The following NES variants were observed in gnomAD, a reference collection of about 807,000 sequenced individuals.
NES encodes the protein nestin.
In NES, 27 loss-of-function variants were observed where a neutral mutation model predicts 35.6. That is an observed-to-expected ratio of 0.76 (90% confidence interval 0.56 to 1.04). The LOEUF (loss-of-function observed/expected upper bound fraction) is 1.04, where lower values mean the gene tolerates loss of function less well. NES is among the 50% of genes least tolerant of loss of function. The pLI is 0.00. For missense variants in NES, 1,867 were observed against 1,983.6 expected (o/e 0.94, Z 1.12); for synonymous variants, 822 against 824.2 (o/e 1.00, Z 0.04).
In NES at chr1:156,669,191, C is replaced by G; in HGVS notation, c.*131G>C. ...CCCCTTTTCACCTTAGCGGGCCAGG[C>G]CTCTCAGCCAGAAACCATATGTCAA... On this transcript the variant is annotated 3_prime_UTR_variant, in exon 4 of 4. Transcript: ENST00000368223. 1 of 600,986 alleles carries G rather than the reference C, an allele frequency of 1.7e-6. No individual in the cohort carries two copies. Among genetic ancestry groups the G allele is most frequent in the Non-Finnish European group, 2.7e-6 (1 of 366,264 alleles). 37.2% of individuals were successfully genotyped at this position (600,986 alleles called of 1,614,324 possible). A position where few individuals can be genotyped will look rare whatever the true frequency, so the allele number is the denominator to read the frequency against.
In NES at chr1:156,669,742, C is replaced by T. The variant is rs776724348; in HGVS notation, c.4446G>A (p.Lys1482=). The stretch of plus-strand genomic sequence containing the variant: ...CCTGGGACTCCGTTTCCAGGGCAGT[C>T]TTGGGGGCACCAGCCACTGCACCCC... ...SLRGAVAGAP[K]TALETESQDS... The change falls in exon 4 of 4, where the codon AAG becomes AAA. Residue 1482 remains lysine (K), a synonymous_variant. Coordinates refer to ENST00000368223, the MANE Select transcript of NES (RefSeq NM_006617.2). 6.2e-7 allele frequency: 1 copy of T among 1,614,022 alleles called. No individual in the cohort carries two copies. Among genetic ancestry groups the T allele is most frequent in the Non-Finnish European group, 8.5e-7 (1 of 1,179,998 alleles).
Position 156,676,321 on chromosome 1 carries a change from G to C in NES, c.783+161C>G, listed in dbSNP as rs1000949570. ...ACCATTCGCATCCTACACTAGACGGGCTGTAAAAGTCTAGGACTTGTGGCA... is the reference window on the plus strand; with the variant it reads ...ACCATTCGCATCCTACACTAGACGGCCTGTAAAAGTCTAGGACTTGTGGCA... On this transcript the variant is annotated intron_variant, in intron 1 of 3. Transcript: ENST00000368223. The surrounding 1 kb of genome is among the most constrained non-coding windows in gnomAD (Gnocchi z 5.3). Among the ~76,000 whole-genome samples the C allele has an allele frequency of 6.6e-6, 1 of 152,150 alleles. No individual in the cohort carries two copies. Among genetic ancestry groups the C allele is most frequent in the African/African-American group, 2.4e-5 (1 of 41,434 alleles).
rs985972341 is a variant in NES at position 156,676,323 on chromosome 1, T to C, written c.783+159A>G. Among the ~76,000 whole-genome samples the C allele has an allele frequency of 6.6e-6, 1 of 152,106 alleles. No individual in the cohort carries two copies. Among genetic ancestry groups the C allele is most frequent in the African/African-American group, 2.4e-5 (1 of 41,422 alleles). On this transcript the variant is annotated intron_variant, in intron 1 of 3. Coordinates refer to ENST00000368223, the MANE Select transcript of NES (RefSeq NM_006617.2). This position sits in a 1 kb window ranked among gnomAD's most constrained non-coding sequence, Gnocchi z 5.3. ...CATTCGCATCCTACACTAGACGGGC[T>C]GTAAAAGTCTAGGACTTGTGGCACC...
At position 156,670,145 on chromosome 1, in the gene NES, T is replaced by C. The variant is rs371890871; in HGVS notation, c.4043A>G (p.Glu1348Gly). 5.9e-5 allele frequency: 96 copies of C among 1,613,906 alleles called. No homozygotes were observed. Among genetic ancestry groups the C allele is most frequent in the Non-Finnish European group, 7.1e-5 (84 of 1,180,004 alleles). Residue 1348 changes from glutamate to glycine, a missense_variant, in exon 4 of 4, where the codon GAA becomes GGA. Physicochemically the swap from Glu to Gly is moderately conservative, Grantham distance 98 (BLOSUM62 -2). Transcript: ENST00000368223. Reference sequence around the variant, plus strand: ...TTCTCCCTCCTCCCCCTCCTCCTTTTCTGAGGGTGGGGCCTCAAGGCCCTC... The same window carrying C: ...TTCTCCCTCCTCCCCCTCCTCCTTTCCTGAGGGTGGGGCCTCAAGGCCCTC... ...ASEGLEAPPS[E>G]KEEGEEGEEE...
rs778426320 is a variant in NES at position 156,669,441 on chromosome 1, C to T, written c.4747G>A (p.Glu1583Lys). 6.2e-7 allele frequency: 1 copy of T among 1,613,962 alleles called. No homozygotes were observed. The part of the protein sequence containing the change: ...GDRGSPFQEE[E>K]GSALKTSWAG... ...CAAGAGGTCTTCAGAGCACTCCCCT[C>T]CTCCTCCTGAAAGGGGCTCCCTCGG... The change falls in exon 4 of 4, where the codon GAG (glutamate) becomes AAG (lysine). Residue 1583 changes from glutamate to lysine, a missense_variant. Glu to Lys is a moderately conservative substitution (Grantham distance 56). Transcript: ENST00000368223.
rs1290824330 is a variant in NES, at chr1:156,670,490, G to A, written c.3698C>T (p.Pro1233Leu). The A allele has an allele frequency of 6.3e-7, 1 of 1,585,338 alleles. No individual in the cohort carries two copies. Among genetic ancestry groups the A allele is most frequent in the East Asian group, 2.2e-5 (1 of 44,516 alleles). Residue 1233 changes from proline (P) to leucine (L), a missense_variant, in exon 4 of 4, where the codon CCT becomes CTT. Transcript: ENST00000368223. ...PTYTPILEDA[P>L]GPQPQAEGSQ... is the part of the protein sequence containing the mutation. ...CCCTTCAGCCTGAGGCTGAGGCCCA[G>A]GGGCATCTTCCAGGATCGGGGTGTA...
chr1:156,671,901 G>T lies in NES; in HGVS notation c.2287C>A (p.Gln763Lys), dbSNP rs1404469589. Reference sequence around the variant, plus strand: ...TCCCCTAGAGACCTCCGTCGCTGTTGAGTCTCTTTTTCAAGAGTTCTCAAT... The same window carrying T: ...TCCCCTAGAGACCTCCGTCGCTGTTTAGTCTCTTTTTCAAGAGTTCTCAAT... ...ETLRTLEKETQQRRRSLGEQD... is the reference protein window; with the variant it reads ...ETLRTLEKETKQRRRSLGEQD... Residue 763 changes from glutamine (Q) to lysine (K), a missense_variant, in exon 4 of 4, where the codon CAA becomes AAA. Transcript: ENST00000368223. 6.2e-7 allele frequency: 1 copy of T among 1,614,080 alleles called. No homozygotes were observed. Among genetic ancestry groups the T allele is most frequent in the Admixed American group, 1.7e-5 (1 of 60,022 alleles).
At position 156,676,437 on chromosome 1, in the gene NES, G is replaced by C. The variant is rs1647291707; in HGVS notation, c.783+45C>G. Reference sequence around the variant, plus strand: ...TCTGAGCTTCATAAGGGACTTTCTGGAGCTTTCTGGGACTTTCTCTCACCC... The same window carrying C: ...TCTGAGCTTCATAAGGGACTTTCTGCAGCTTTCTGGGACTTTCTCTCACCC... On this transcript the variant is annotated intron_variant, in intron 1 of 3. Transcript: ENST00000368223. The surrounding 1 kb of genome is among the most constrained non-coding windows in gnomAD (Gnocchi z 5.3). 3.8e-6 allele frequency: 6 copies of C among 1,585,044 alleles called. No homozygotes were observed. Among genetic ancestry groups the C allele is most frequent in the Non-Finnish European group, 5.1e-6 (6 of 1,169,874 alleles).
Position 156,673,020 on chromosome 1 carries a change from T to G in NES, c.1168A>C (p.Ile390Leu), listed in dbSNP as rs772195958. 8.1e-6 allele frequency: 13 copies of G among 1,610,932 alleles called. No individual in the cohort carries two copies. The highest frequency in any genetic ancestry group is 1.1e-5 in the Non-Finnish European group (13 of 1,177,876). Residue 390 changes from isoleucine (I) to leucine (L), a missense_variant, in exon 4 of 4, where the codon ATC becomes CTC. By Grantham distance (5) the Ile-to-Leu change is conservative (BLOSUM62 2). Transcript: ENST00000368223. ...ARTPTLASTP[I>L]PPTPQAPSPA... is the part of the protein sequence containing the mutation. ...GAGGGTGCCTGAGGTGTGGGGGGGATGGGGGTGCTGGCCAAGGTAGGGGTA... is the reference window on the plus strand; with the variant it reads ...GAGGGTGCCTGAGGTGTGGGGGGGAGGGGGGTGCTGGCCAAGGTAGGGGTA...
chr1:156,671,193 C>T lies in NES; in HGVS notation c.2995G>A (p.Glu999Lys), dbSNP rs1382537813. The T allele has an allele frequency of 6.2e-7, 1 of 1,614,012 alleles. No homozygotes were observed. The highest frequency in any genetic ancestry group is 8.5e-7 in the Non-Finnish European group (1 of 1,180,054). ...TGKEEVVEQG[E>K]LNATEEVWIP... is the part of the protein sequence containing the mutation. ...CAGACCTCCTCTGTGGCATTCAGCTCTCCCTGCTCTACCACCTCCTCCTTC... is the reference window on the plus strand; with the variant it reads ...CAGACCTCCTCTGTGGCATTCAGCTTTCCCTGCTCTACCACCTCCTCCTTC... Residue 999 changes from glutamate to lysine, a missense_variant, in exon 4 of 4, where the codon GAG becomes AAG. By Grantham distance (56) the Glu-to-Lys change is moderately conservative. Transcript: ENST00000368223.
chr1:156,676,530 C>CCT lies in NES; in HGVS notation c.733_734dup (p.Leu246GlyfsTer107). The CCT allele has an allele frequency of 1.9e-6, 3 of 1,596,946 alleles. No individual in the cohort carries two copies. Among genetic ancestry groups the CCT allele is most frequent in the Non-Finnish European group, 2.5e-6 (3 of 1,179,010 alleles). On this transcript the variant is annotated frameshift_variant, in exon 1 of 4. Transcript: ENST00000368223. LOFTEE classifies it high-confidence loss of function. The surrounding 1 kb of genome is among the most constrained non-coding windows in gnomAD (Gnocchi z 5.3). The stretch of plus-strand genomic sequence containing the variant: ...GCCGCTCCTGCCAGCGGCCCTCCAA[C>CCT]CTCTGTTCCAACGCTGCCCTGCGCT...
chr1:156,670,445 C>A lies in NES; in HGVS notation c.3743G>T (p.Gly1248Val). ...CAGGGCTTCAGCCCTCCCCTGCACCCCCCAGCTAGCCTCCTGACTCCCTTC... is the reference window on the plus strand; with the variant it reads ...CAGGGCTTCAGCCCTCCCCTGCACCACCCAGCTAGCCTCCTGACTCCCTTC... ...QAEGSQEASW[G>V]VQGRAEALGK... Residue 1248 changes from glycine (G) to valine (V), a missense_variant, in exon 4 of 4, where the codon GGG (glycine) becomes GTG (valine). Coordinates refer to ENST00000368223, the MANE Select transcript of NES (RefSeq NM_006617.2). 6.4e-7 allele frequency: 1 copy of A among 1,560,064 alleles called. No individual in the cohort carries two copies. Among genetic ancestry groups the A allele is most frequent in the Non-Finnish European group, 8.7e-7 (1 of 1,153,006 alleles).
chr1:156,669,479 A>T lies in NES; in HGVS notation c.4709T>A (p.Val1570Asp). 1.2e-5 allele frequency: 19 copies of T among 1,612,706 alleles called. No homozygotes were observed. Among genetic ancestry groups the T allele is most frequent in the Non-Finnish European group, 1.5e-5 (18 of 1,179,232 alleles). Residue 1570 changes from valine (V) to aspartate (D), a missense_variant, in exon 4 of 4, where the codon GTC becomes GAC. By Grantham distance (152) the Val-to-Asp change is radical (BLOSUM62 -3). Coordinates refer to ENST00000368223, the MANE Select transcript of NES (RefSeq NM_006617.2). ...SEEVGQGMPL[V>D]SEGDRGSPFQ... is the part of the protein sequence containing the mutation. Reference sequence around the variant, plus strand: ...GGGGCTCCCTCGGTCTCCCTCAGAGACTAGCGGCATTCCTTGCCCCACTTC... The same window carrying T: ...GGGGCTCCCTCGGTCTCCCTCAGAGTCTAGCGGCATTCCTTGCCCCACTTC...
rs1285919352 is a variant in NES at position 156,670,564 on chromosome 1, C to G, written c.3624G>C (p.Glu1208Asp). Residue 1208 changes from glutamate to aspartate, a missense_variant, in exon 4 of 4, where the codon GAG becomes GAC. Transcript: ENST00000368223. ...CTGGTGGTACATCCTCCTCAGCTTC[C>G]TCTGACCCCAGAGGCCAAGGTGAAG... is the stretch of plus-strand genomic sequence containing the variant. ...DAPSPWPLGS[E>D]EAEEDVPPVL... 1 of 1,612,482 alleles carries G rather than the reference C, an allele frequency of 6.2e-7. No homozygotes were observed. Among genetic ancestry groups the G allele is most frequent in the East Asian group, 2.2e-5 (1 of 44,858 alleles).
chr1:156,672,162 C>A lies in NES; in HGVS notation c.2026G>T (p.Glu676Ter), dbSNP rs1291344869. The change falls in exon 4 of 4, where the codon GAG (glutamate) becomes TAG (stop). Residue 676 changes from glutamate to a stop codon, truncating the protein, a stop_gained. Coordinates refer to ENST00000368223, the MANE Select transcript of NES (RefSeq NM_006617.2). LOFTEE classifies it low-confidence loss of function (END_TRUNC). ...SLTALEKENQ[E>*]PLRSPEVGDE... ...CCTACTTCTGGAGATCTCAGTGGCT[C>A]TTGATTCTCCTTTTCCAGAGCTGTC... 1.2e-6 allele frequency: 2 copies of A among 1,611,386 alleles called. No individual in the cohort carries two copies.
chr1:156,672,769 G>A lies in NES; in HGVS notation c.1419C>T (p.Asp473=), dbSNP rs1321720102. 6.2e-7 allele frequency: 1 copy of A among 1,613,394 alleles called. No homozygotes were observed. The highest frequency in any genetic ancestry group is 8.5e-7 in the Non-Finnish European group (1 of 1,180,038). The change falls in exon 4 of 4, where the codon GAC becomes GAT. Residue 473 remains aspartate, a synonymous_variant. Transcript: ENST00000368223. The part of the protein sequence containing the change: ...HASLAPPLSP[D]HSSLEAKDGE... ...CATCCTTAGCCTCTAAACTGGAGTG[G>A]TCAGGGCTGAGGGGTGGTGCCAAGG...
chr1:156,670,516 C>T lies in NES; in HGVS notation c.3672G>A (p.Thr1224=), dbSNP rs3748571. Residue 1224 remains threonine (T), a synonymous_variant, in exon 4 of 4, where the codon ACG becomes ACA. Coordinates refer to ENST00000368223, the MANE Select transcript of NES (RefSeq NM_006617.2). ...VPPVLVSPSP[T]YTPILEDAPG... Reference sequence around the variant, plus strand: ...GGGCATCTTCCAGGATCGGGGTGTACGTTGGGCTGGGGGAGACCAGCACTG... The same window carrying T: ...GGGCATCTTCCAGGATCGGGGTGTATGTTGGGCTGGGGGAGACCAGCACTG... 0.27 allele frequency: 439,325 copies of T among 1,600,234 alleles called. 62,825 individuals are homozygous for T. Among genetic ancestry groups the T allele is most frequent in the Non-Finnish European group, 0.29 (344,350 of 1,171,150 alleles).
rs746306185 is a variant in NES, at chr1:156,669,784, G to GGGGACA, written c.4398_4403dup (p.Val1467_Pro1468dup). On this transcript the variant is annotated inframe_insertion, in exon 4 of 4. Transcript: ENST00000368223. ...CTGCACCCCTCAAGCTGTCATCCCA[G>GGGGACA]GGGACACTGACACTCACAGAATCAG... 6.2e-7 allele frequency: 1 copy of GGGGACA among 1,613,962 alleles called. No individual in the cohort carries two copies. The highest frequency in any genetic ancestry group is 1.1e-5 in the South Asian group (1 of 91,082).
At chr1:156,673,761 G>C (rs571744807) in intron 2 of NES, among the ~76,000 whole-genome samples, 10 of 152,256 alleles carry the variant, frequency 6.6e-5, no homozygotes, top group African/African-American at 1.9e-4. Flanking sequence ...ACACAGCAGA[G>C]CTCAGACATA....
Sources: gnomAD v4.1 joint callset for allele counts (sites outside exome capture counted in the v4.1 genomes callset) on GRCh38, gnomAD v4.1.1 for gene constraint, Gnocchi (gnomAD v3.1) non-coding constraint, MANE v1.5 for transcripts, NCBI Gene and HGNC (gene_info 2026-07-23, HGNC 2026-07-21) for gene names.